Variants in GALNTL6 observed in about 807,000 individuals in gnomAD.
GALNTL6 encodes the protein polypeptide N-acetylgalactosaminyltransferase like 6.
GALNTL6 carries 46 observed loss-of-function variants against 73.7 expected under a neutral mutation model. The observed-to-expected ratio is 0.62, with a 90% CI of 0.49 to 0.80. The LOEUF is 0.80. GALNTL6 is among the 30% of genes least tolerant of loss of function. The pLI, the probability that GALNTL6 is intolerant of heterozygous loss-of-function variation, is 0.00. For synonymous variants in GALNTL6, 259 were observed against 263.7 expected, an observed-to-expected ratio of 0.98 and a Z score of 0.17; for missense variants, 604 against 755.0, an observed-to-expected ratio of 0.80 and a Z score of 2.34.
intron 10 of GALNTL6, among the ~76,000 whole-genome samples, chr4:172,999,713 G>A (rs905842177): frequency 2.6e-5 from 4 of 151,638 alleles, no homozygotes; most frequent in Non-Finnish European, 4.4e-5. Context: ...CAGTTGTCAA[G>A]AGCTGTAATT....
At chr4:172,527,243 A>C (rs1180939937) in intron 5 of GALNTL6, among the ~76,000 whole-genome samples, 2 of 152,160 alleles carry the variant, frequency 1.3e-5, no homozygotes, top group Non-Finnish European at 2.9e-5. Context: ...TTTGCTGGTG[A>C]TACATCTCAT....
At chr4:172,646,295 G>A (rs940202430) in intron 5 of GALNTL6, among the ~76,000 whole-genome samples, 1 of 151,942 alleles carries the variant, frequency 6.6e-6, no homozygotes. Flanking sequence ...TAGCTTTGGG[G>A]ATTAATCAGC....
chr4:172,678,770 C>T (rs886285662), intron 5 of GALNTL6, among the ~76,000 whole-genome samples: 5 of 152,212 alleles, frequency 3.3e-5, no homozygotes, highest in African/African-American at 7.2e-5. Context: ...TCTCAGCTTA[C>T]ATATCAACTG....
intron 2 of GALNTL6, among the ~76,000 whole-genome samples, chr4:171,859,643 A>AT (rs1277724526): frequency 6.6e-6 from 1 of 152,222 alleles, no homozygotes; most frequent in African/African-American, 2.4e-5. Context: ...CTAGGCAGAG[A>AT]TAGTAGAGTT....
In GALNTL6 at chr4:172,269,275, A is replaced by G. The variant is rs148064808; in HGVS notation, c.247+39511A>G. On this transcript the variant is annotated intron_variant, in intron 3 of 12. Transcript: ENST00000506823. Reference sequence around the variant, plus strand: ...TGGAGAGAATAAAAAAAATTCTCCTACACAATAAGGCACGGAGGTTAGGTA... The same window carrying G: ...TGGAGAGAATAAAAAAAATTCTCCTGCACAATAAGGCACGGAGGTTAGGTA... 5.6e-3 allele frequency among the ~76,000 whole-genome samples: 857 copies of G among 152,310 alleles called. 7 individuals carry two copies. The highest frequency in any genetic ancestry group is 0.019 in the African/African-American group (807 of 41,568).
At chr4:171,928,681 G>T (rs75788542) in intron 2 of GALNTL6, among the ~76,000 whole-genome samples, 2,682 of 152,264 alleles carry the variant, frequency 0.018, 77 homozygotes, top group African/African-American at 0.062. Context: ...TTATAATACC[G>T]TATTTTACTT....
chr4:172,149,704 C>G (rs1157022421), intron 2 of GALNTL6, among the ~76,000 whole-genome samples: 1 of 152,200 alleles, frequency 6.6e-6, no homozygotes, highest in African/African-American at 2.4e-5. Flanking sequence ...AGATCTTCCT[C>G]TTAAAACTGC....
chr4:172,539,868 C>T (rs1180956649), intron 5 of GALNTL6, among the ~76,000 whole-genome samples: 3 of 99,502 alleles, frequency 3.0e-5, no homozygotes, highest in African/African-American at 7.8e-5. Flanking sequence ...TATGATTATA[C>T]ATATGATTAT....
intron 2 of GALNTL6, among the ~76,000 whole-genome samples, chr4:171,946,220 C>A (rs926337820): frequency 1.3e-5 from 2 of 152,018 alleles, no homozygotes; most frequent in East Asian, 1.9e-4. Flanking sequence ...CTGAAAAATA[C>A]GTATTTACAA....
At chr4:171,877,421 G>C (rs146836972) in intron 2 of GALNTL6, among the ~76,000 whole-genome samples, 1 of 152,176 alleles carries the variant, frequency 6.6e-6, no homozygotes, top group East Asian at 1.9e-4. Context: ...TACCACATAG[G>C]GCTAAGTGAG....
intron 5 of GALNTL6, among the ~76,000 whole-genome samples, chr4:172,408,101 A>G (rs1174476848): frequency 2.0e-5 from 3 of 152,172 alleles, no homozygotes; most frequent in Admixed American, 2.0e-4. Context: ...ATTCGGGTGA[A>G]ATACTTCCTT....
At chr4:172,598,920 GTT>G (rs1259092300) in intron 5 of GALNTL6, among the ~76,000 whole-genome samples, 1 of 152,060 alleles carries the variant, frequency 6.6e-6, no homozygotes, top group Non-Finnish European at 1.5e-5. Context: ...AACTGGTACA[GTT>G]TGTACCAGAA....
At chr4:171,918,774 A>G (rs1737699721) in intron 2 of GALNTL6, among the ~76,000 whole-genome samples, 1 of 152,138 alleles carries the variant, frequency 6.6e-6, no homozygotes, top group African/African-American at 2.4e-5. Flanking sequence ...TAAAGAAAAT[A>G]TGTTAGATAC....
At chr4:172,187,942 T>G (rs1473638906) in intron 2 of GALNTL6, among the ~76,000 whole-genome samples, 3 of 152,200 alleles carry the variant, frequency 2.0e-5, no homozygotes, top group African/African-American at 7.2e-5. Flanking sequence ...CCTTCACTGC[T>G]ATTTGTTAGA....
intron 7 of GALNTL6, among the ~76,000 whole-genome samples, chr4:172,863,164 T>C (rs1437321903): frequency 6.6e-6 from 1 of 152,206 alleles, no homozygotes; most frequent in Non-Finnish European, 1.5e-5. Context: ...GGCAGGGACC[T>C]CATGGAGAAC....
chr4:171,897,205 G>A (rs528500115), intron 2 of GALNTL6, among the ~76,000 whole-genome samples: 8 of 152,188 alleles, frequency 5.3e-5, no homozygotes, highest in African/African-American at 1.4e-4. Flanking sequence ...TCTTGTCAGG[G>A]GTGACAAGTT....
At chr4:172,687,694 C>T (rs1013279196) in intron 5 of GALNTL6, among the ~76,000 whole-genome samples, 2 of 151,370 alleles carry the variant, frequency 1.3e-5, no homozygotes, top group Non-Finnish European at 2.9e-5. Context: ...CCAATTTATG[C>T]ATTTTAATAC....
At chr4:171,914,949 G>C (rs1315557075) in intron 2 of GALNTL6, among the ~76,000 whole-genome samples, 1 of 151,590 alleles carries the variant, frequency 6.6e-6, no homozygotes, top group Non-Finnish European at 1.5e-5. Context: ...TAATATGTTG[G>C]TATAATAGAT....
chr4:172,390,822 A>G (rs928003398), intron 5 of GALNTL6, among the ~76,000 whole-genome samples: 1 of 152,232 alleles, frequency 6.6e-6, no homozygotes, highest in Non-Finnish European at 1.5e-5. Flanking sequence ...CACAGATAAG[A>G]TAAAATGCAA....
Sources: gnomAD v4.1 joint callset for allele counts (sites outside exome capture counted in the v4.1 genomes callset) on GRCh38, gnomAD v4.1.1 for gene constraint, MANE v1.5 for transcripts, NCBI Gene and HGNC (gene_info 2026-07-23, HGNC 2026-07-21) for gene names.